TFG: variants seen among roughly 807,000 people sequenced by gnomAD.
TFG encodes trafficking from ER to golgi regulator.
TFG carries 22 observed loss-of-function variants against 51.4 expected under a neutral mutation model. That is an observed-to-expected ratio of 0.43 (90% confidence interval 0.31 to 0.61). The LOEUF (loss-of-function observed/expected upper bound fraction) is 0.61. TFG is among the 20% of genes least tolerant of loss of function. The probability of loss-of-function intolerance (pLI) is 0.12; values close to 1 mark genes in which losing one functional copy is unlikely to be tolerated. For synonymous variants in TFG, 187 were observed against 165.6 expected (o/e 1.13, Z -0.99); for missense variants, 419 against 487.7 (o/e 0.86, Z 1.33).
At chr3:100,733,921 A>C (rs936392856) in intron 5 of TFG, among the ~76,000 whole-genome samples, 1 of 152,226 alleles carries the variant, frequency 6.6e-6, no homozygotes, top group Admixed American at 6.5e-5. Flanking sequence ...AAAGGTTTTT[A>C]AAGGAAAAAA....
intron 3 of TFG, among the ~76,000 whole-genome samples, chr3:100,727,322 G>A (rs1432291492): frequency 1.3e-5 from 2 of 152,168 alleles, no homozygotes; most frequent in Non-Finnish European, 2.9e-5. Context: ...GATGTAGGTA[G>A]GAGATTGTAT....
chr3:100,745,526 G>A (rs561744783), intron 7 of TFG, among the ~76,000 whole-genome samples: 19 of 152,190 alleles, frequency 1.2e-4, no homozygotes, highest in African/African-American at 4.6e-4. Context: ...TTTACCATCT[G>A]TCCACTGAAG....
Position 100,748,874 on chromosome 3 carries a change from A to ATGAT in TFG, c.*344_*347dup, listed in dbSNP as rs2095161500. ...TCTTACTTGGCTTTTTACTATTAAC[A>ATGAT]TGATGTACTAAAGTAGAGCCCTTTG... On this transcript the variant is annotated 3_prime_UTR_variant, in exon 8 of 8. Coordinates refer to ENST00000240851, the MANE Select transcript of TFG (RefSeq NM_006070.6). 1 of 262,718 alleles carries ATGAT rather than the reference A, an allele frequency of 3.8e-6. No individual in the cohort carries two copies. The highest frequency in any genetic ancestry group is 5.8e-5 in the East Asian group (1 of 17,332). 16.3% of individuals were successfully genotyped at this position (262,718 alleles called of 1,614,324 possible).
chr3:100,745,470 ATTGT>A (rs1242058207), intron 7 of TFG, among the ~76,000 whole-genome samples: 5 of 152,180 alleles, frequency 3.3e-5, no homozygotes, highest in African/African-American at 1.2e-4. Flanking sequence ...AACTAAGAAC[ATTGT>A]TTAGTTGTTT....
At chr3:100,745,537 A>G (rs2095132558) in intron 7 of TFG, among the ~76,000 whole-genome samples, 1 of 152,206 alleles carries the variant, frequency 6.6e-6, no homozygotes, top group Non-Finnish European at 1.5e-5. Flanking sequence ...TCCACTGAAG[A>G]TTATATGTAT....
intron 3 of TFG, among the ~76,000 whole-genome samples, chr3:100,721,644 C>A (rs1436439583): frequency 6.6e-6 from 1 of 152,092 alleles, no homozygotes; most frequent in African/African-American, 2.4e-5. Context: ...AGAAAAATCT[C>A]AGAAGAAAGG....
intron 2 of TFG, among the ~76,000 whole-genome samples, chr3:100,718,268 T>C (rs1264849971): frequency 6.6e-6 from 1 of 151,624 alleles, no homozygotes; most frequent in Non-Finnish European, 1.5e-5. Context: ...TTTGCCTTTA[T>C]CTCAAACTGA....
chr3:100,713,902 C>CCT lies in TFG; in HGVS notation c.184+33_184+34insCT, dbSNP rs1553699558. ...TGTTTTTAAAGCTATTTTTTAAAGT[C>CCT]TTTTTAAAAAAAAAAAAAAAAAGAC... On this transcript the variant is annotated intron_variant, in intron 2 of 7. Transcript: ENST00000240851. The CCT allele has an allele frequency of 6.7e-3, 5,688 of 850,138 alleles. 189 individuals carry two copies. In the African/African-American group the frequency reaches 0.091, roughly 14 times the overall value. 52.7% of individuals were successfully genotyped at this position (850,138 alleles called of 1,614,324 possible).
chr3:100,721,764 A>G (rs1353538559), intron 3 of TFG, among the ~76,000 whole-genome samples: 3 of 152,250 alleles, frequency 2.0e-5, no homozygotes, highest in Non-Finnish European at 2.9e-5. Flanking sequence ...ACTGGACACA[A>G]CTAATAGCAG....
chr3:100,729,433 G>A (rs2095085285), intron 4 of TFG, among the ~76,000 whole-genome samples: 2 of 152,230 alleles, frequency 1.3e-5, no homozygotes, highest in South Asian at 4.1e-4. Flanking sequence ...AAAGCAAAAT[G>A]TGTCAACATT....
intron 5 of TFG, 147 bp downstream of exon 5, chr3:100,732,819 G>A (rs2095095586): frequency 1.6e-6 from 1 of 609,206 alleles, no homozygotes; most frequent in Non-Finnish European, 2.8e-6. Flanking sequence ...TTACATATGT[G>A]TACACTTATG....
upstream of TFG, chr3:100,709,342 C>G (rs1576348859): frequency 1.3e-5 from 2 of 152,340 alleles, no homozygotes; most frequent in Admixed American, 1.3e-4. Flanking sequence ...TCCTAAATCC[C>G]GTCATCCAGT....
At chr3:100,723,737 G>A (rs1003475492) in intron 3 of TFG, among the ~76,000 whole-genome samples, 1 of 151,914 alleles carries the variant, frequency 6.6e-6, no homozygotes, top group Non-Finnish European at 1.5e-5. Flanking sequence ...AGAACAAAGA[G>A]AAATCAATAA....
At chr3:100,736,360 A>C (rs1018180517) in intron 5 of TFG, among the ~76,000 whole-genome samples, 1 of 152,162 alleles carries the variant, frequency 6.6e-6, no homozygotes, top group Non-Finnish European at 1.5e-5. Flanking sequence ...ATAGTACTCT[A>C]CACTTTATAA....
chr3:100,740,010 C>T (rs752281521), intron 6 of TFG, among the ~76,000 whole-genome samples: 2 of 151,992 alleles, frequency 1.3e-5, no homozygotes, highest in African/African-American at 4.8e-5. Context: ...TTTCAAGATT[C>T]GTTTGTTAAA....
At chr3:100,726,341 G>A (rs933197156) in intron 3 of TFG, among the ~76,000 whole-genome samples, 1 of 152,150 alleles carries the variant, frequency 6.6e-6, no homozygotes, top group African/African-American at 2.4e-5. Flanking sequence ...ATTGGGTGGT[G>A]CCCACCAACA....
At chr3:100,732,708 T>G in intron 5 of TFG, 36 bp downstream of exon 5, 1 of 1,516,648 alleles carries the variant, frequency 6.6e-7, no homozygotes, top group Non-Finnish European at 8.9e-7. Context: ...ACCCTTCGTT[T>G]CCTTCATCTT....
intron 7 of TFG, among the ~76,000 whole-genome samples, chr3:100,746,395 C>G (rs892566480): frequency 2.6e-5 from 4 of 152,022 alleles, no homozygotes; most frequent in Middle Eastern, 3.2e-3. Context: ...GCACATACAG[C>G]CATTCAGTGG....
rs143229558 is a variant in TFG, at chr3:100,716,530, G to T, written c.184+2661G>T. On this transcript the variant is annotated intron_variant, in intron 2 of 7. Transcript: ENST00000240851. ...GTGCAGATTTCTCTTCAATATACTG[G>T]TTTCCTTTCCTTTAGTTAAATATTC... Among the ~76,000 whole-genome samples the T allele has an allele frequency of 7.0e-4, 107 of 152,168 alleles. 1 individual carries two copies. The highest frequency in any genetic ancestry group is 6.2e-3 in the Admixed American group (95 of 15,294).
Sources: allele counts gnomAD v4.1 joint callset (sites outside exome capture counted in the v4.1 genomes callset), GRCh38; gene constraint gnomAD v4.1.1; transcripts MANE v1.5; gene names NCBI Gene and HGNC (gene_info 2026-07-23, HGNC 2026-07-21).